SIGLEC5: variants seen among roughly 807,000 people sequenced by gnomAD.
SIGLEC5 encodes the protein sialic acid binding Ig like lectin 5, also known as sialic acid-binding Ig-like lectin 5.
Under a neutral mutation model 45.9 loss-of-function variants are expected in SIGLEC5, and 34 were observed. The observed-to-expected ratio is 0.74, with a 90% CI of 0.56 to 0.99. The LOEUF (loss-of-function observed/expected upper bound fraction) is 0.99, where lower values mean the gene tolerates loss of function less well. Among genes scored for constraint, SIGLEC5 ranks in the 50% least tolerant of loss-of-function variants. The pLI, the probability that SIGLEC5 is intolerant of heterozygous loss-of-function variation, is 0.00. For synonymous variants in SIGLEC5, 203 were observed against 258.6 expected, an observed-to-expected ratio of 0.79 and a Z score of 2.06; for missense variants, 508 against 629.6, an observed-to-expected ratio of 0.81 and a Z score of 2.07.
chr19:51,617,205 A>C (rs1471290178), intron 8 of SIGLEC5, among the ~76,000 whole-genome samples: 8 of 151,284 alleles, frequency 5.3e-5, no homozygotes, highest in Non-Finnish European at 1.0e-4. Flanking sequence ...CAGTGAGAGG[A>C]GATCGCGCCA....
chr19:51,617,751 A>G (rs1338980791), intron 8 of SIGLEC5, among the ~76,000 whole-genome samples: 2 of 152,168 alleles, frequency 1.3e-5, no homozygotes, highest in Non-Finnish European at 2.9e-5. Flanking sequence ...TGTGATAAGT[A>G]TGGAATAGAA....
intron 8 of SIGLEC5, 97 bp downstream of exon 8, chr19:51,625,935 A>G (rs565867117): frequency 1.6e-4 from 139 of 881,100 alleles, no homozygotes; most frequent in Admixed American, 4.8e-4. Context: ...GAGAACTCCC[A>G]GGTGATGAGG....
intron 8 of SIGLEC5, among the ~76,000 whole-genome samples, chr19:51,615,747 T>C (rs1235921091): frequency 6.6e-6 from 1 of 152,204 alleles, no homozygotes; most frequent in Non-Finnish European, 1.5e-5. Context: ...GTTTGGGTTC[T>C]TGAGGGGATC....
At chr19:51,614,202 T>C (rs1443924449) in intron 8 of SIGLEC5, among the ~76,000 whole-genome samples, 1 of 152,224 alleles carries the variant, frequency 6.6e-6, no homozygotes, top group Non-Finnish European at 1.5e-5. Flanking sequence ...TGGAGGGCAG[T>C]GGTGTGATTT....
chr19:51,628,723 G>T (rs1291067632), intron 4 of SIGLEC5, among the ~76,000 whole-genome samples: 1 of 150,276 alleles, frequency 6.7e-6, no homozygotes, highest in Non-Finnish European at 1.5e-5. Flanking sequence ...ATATGTGTGT[G>T]GTGTGTGTGC....
intron 8 of SIGLEC5, 120 bp downstream of exon 8, chr19:51,625,912 G>A: frequency 1.4e-6 from 1 of 728,250 alleles, no homozygotes; most frequent in South Asian, 1.6e-5. Context: ...TGAAGGGGGA[G>A]AACAGGAGAG....
chr19:51,629,042 G>A lies in SIGLEC5; in HGVS notation c.735C>T (p.Gly245=), dbSNP rs1600105651. The A allele has an allele frequency of 1.9e-6, 3 of 1,613,816 alleles. No individual in the cohort carries two copies. Among genetic ancestry groups the A allele is most frequent in the Non-Finnish European group, 2.5e-6 (3 of 1,179,856 alleles). Reference sequence around the variant, plus strand: ...CAGAGAGGAGGTCTTTCCTACCTATGCCGTTCCTGAAGATGGTGATGGTCT... The same window carrying A: ...CAGAGAGGAGGTCTTTCCTACCTATACCGTTCCTGAAGATGGTGATGGTCT... The part of the protein sequence containing the change: ...APQTITIFRN[G]IALEILQNTS... The change falls in exon 4 of 9, where the codon GGC becomes GGT. Residue 245 remains glycine, a synonymous_variant. Coordinates refer to ENST00000683636, the MANE Select transcript of SIGLEC5 (RefSeq NM_003830.4).
chr19:51,612,544 C>A, intron 8 of SIGLEC5, 122 bp from the exon 9 acceptor site: 1 of 718,120 alleles, frequency 1.4e-6, no homozygotes, highest in Non-Finnish European at 2.2e-6. Context: ...CTTTCTCATG[C>A]CAGAAGCAGG....
chr19:51,626,574 G>A (rs375857706), intron 7 of SIGLEC5, among the ~76,000 whole-genome samples: 3 of 152,052 alleles, frequency 2.0e-5, no homozygotes, highest in South Asian at 2.1e-4. Context: ...ACCACATATC[G>A]CGTGATTCCA....
intron 4 of SIGLEC5, 41 bp downstream of exon 4, chr19:51,628,997 C>T: frequency 6.3e-7 from 1 of 1,592,704 alleles, no homozygotes. Context: ...AGAGACAGAC[C>T]CAGAGGCAGG....
In SIGLEC5 at chr19:51,627,916, C is replaced by T; in HGVS notation, c.915G>A (p.Arg305=). The T allele has an allele frequency of 6.2e-7, 1 of 1,614,106 alleles. No homozygotes were observed. Residue 305 remains arginine, a synonymous_variant, in exon 5 of 9, where the codon AGG becomes AGA. Coordinates refer to ENST00000683636, the MANE Select transcript of SIGLEC5 (RefSeq NM_003830.4). ...NTGILELRRV[R]SAEEGGFTCR... ...AGGTGAAGCCTCCTTCTTCTGCAGACCTTACTCGACGAAGCTCCAAGATCC... is the reference window on the plus strand; with the variant it reads ...AGGTGAAGCCTCCTTCTTCTGCAGATCTTACTCGACGAAGCTCCAAGATCC...
intron 8 of SIGLEC5, among the ~76,000 whole-genome samples, chr19:51,618,154 T>C (rs1983135748): frequency 6.6e-6 from 1 of 151,840 alleles, no homozygotes; most frequent in South Asian, 2.1e-4. Flanking sequence ...AAAGTGGGAC[T>C]AAGTGAAAGT....
At chr19:51,622,669 A>G (rs370493275) in intron 8 of SIGLEC5, among the ~76,000 whole-genome samples, 1 of 152,250 alleles carries the variant, frequency 6.6e-6, no homozygotes, top group African/African-American at 2.4e-5. Context: ...CAGAATTGGC[A>G]TGTTGCTCAA....
intron 8 of SIGLEC5, among the ~76,000 whole-genome samples, chr19:51,612,743 A>G (rs1271918502): frequency 1.3e-5 from 2 of 152,204 alleles, no homozygotes; most frequent in Non-Finnish European, 2.9e-5. Flanking sequence ...TACTGCAGCA[A>G]CCACCTCTCA....
Position 51,629,417 on chromosome 19 carries a change from T to C in SIGLEC5, c.641A>G (p.Gln214Arg), listed in dbSNP as rs760536380. The C allele has an allele frequency of 1.9e-6, 3 of 1,613,926 alleles. No individual in the cohort carries two copies. Among genetic ancestry groups the C allele is most frequent in the Admixed American group, 3.3e-5 (2 of 59,992 alleles). ...PEDHGTNLTC[Q>R]MKRQGAQVTT... ...CACCTGAGCTCCTTGGCGTTTCATC[T>C]GACAGGTGAGGTTGGTGCCATGGTC... The change falls in exon 3 of 9, where the codon CAG becomes CGG. Residue 214 changes from glutamine to arginine, a missense_variant. Coordinates refer to ENST00000683636, the MANE Select transcript of SIGLEC5 (RefSeq NM_003830.4).
chr19:51,620,074 T>TATAA (rs201927980), intron 8 of SIGLEC5, among the ~76,000 whole-genome samples: 5 of 151,110 alleles, frequency 3.3e-5, no homozygotes, highest in African/African-American at 9.7e-5. Context: ...TATATATATA[T>TATAA]AACTTAGGTG....
At position 51,612,354 on chromosome 19, in the gene SIGLEC5, G is replaced by A. The variant is rs1982887005; in HGVS notation, c.1533C>T (p.Pro511=). 7 of 1,613,384 alleles carry A rather than the reference G, an allele frequency of 4.3e-6. No individual in the cohort carries two copies. The highest frequency in any genetic ancestry group is 1.7e-5 in the Admixed American group (1 of 59,952). The change falls in exon 9 of 9, where the codon CCC becomes CCT. Residue 511 remains proline, a synonymous_variant. Transcript: ENST00000683636. ...DQASPPGDAP[P]LEEQKELHYA... The stretch of plus-strand genomic sequence containing the variant: ...AATGGAGCTCCTTTTGTTCTTCCAA[G>A]GGAGGGGCATCCCCAGGAGGAGATG...
chr19:51,622,369 G>A (rs2122627524), intron 8 of SIGLEC5, among the ~76,000 whole-genome samples: 1 of 150,242 alleles, frequency 6.7e-6, no homozygotes, highest in South Asian at 2.1e-4. Flanking sequence ...TCGATCTCCT[G>A]ACCTCGTGAT....
chr19:51,623,786 G>C (rs577375670), intron 8 of SIGLEC5, among the ~76,000 whole-genome samples: 4 of 152,190 alleles, frequency 2.6e-5, no homozygotes, highest in Admixed American at 2.0e-4. Context: ...AGGAAAGCTC[G>C]TGTGTGTTAG....
Sources: allele counts gnomAD v4.1 joint callset (sites outside exome capture counted in the v4.1 genomes callset), GRCh38; gene constraint gnomAD v4.1.1; transcripts MANE v1.5; gene names NCBI Gene and HGNC (gene_info 2026-07-23, HGNC 2026-07-21).